PBXIP1: variants seen among roughly 807,000 people sequenced by gnomAD.
PBXIP1 encodes the protein pre-B-cell leukemia transcription factor-interacting protein 1.
In PBXIP1, 73 loss-of-function variants were observed where a neutral mutation model predicts 73.7. The observed-to-expected ratio is 0.99, with a 90% CI of 0.82 to 1.20. The LOEUF (loss-of-function observed/expected upper bound fraction) is 1.20. PBXIP1 is among the 50% of genes most tolerant of loss of function. The probability of loss-of-function intolerance (pLI) is 0.00; values close to 1 mark genes in which losing one functional copy is unlikely to be tolerated. For synonymous variants in PBXIP1, 330 were observed against 366.9 expected (o/e 0.90, Z 1.15); for missense variants, 818 against 911.4 (o/e 0.90, Z 1.32).
chr1:154,948,388 G>C (rs1053310704), intron 5 of PBXIP1, 22 bp from the exon 6 acceptor site: 1 of 1,493,972 alleles, frequency 6.7e-7, no homozygotes, highest in African/African-American at 1.4e-5. Flanking sequence ...GACAGGGACA[G>C]GGCAGTGAGG....
Position 154,947,422 on chromosome 1 carries a change from G to A in PBXIP1, c.865C>T (p.Leu289=). ...NQDIRLLQAQ[L]QAQKEELQSL... Reference sequence around the variant, plus strand: ...CCCCTCCTGCCTGTGCCCACCTGCAGCTGGGCCTGCAGCAGCCGGATGTCC... The same window carrying A: ...CCCCTCCTGCCTGTGCCCACCTGCAACTGGGCCTGCAGCAGCCGGATGTCC... The change falls in exon 9 of 11, where the codon CTG becomes TTG. Residue 289 remains leucine (L), a synonymous_variant. Transcript: ENST00000368463. 3 of 1,614,058 alleles carry A rather than the reference G, an allele frequency of 1.9e-6. No individual in the cohort carries two copies. Among genetic ancestry groups the A allele is most frequent in the South Asian group, 1.1e-5 (1 of 91,076 alleles).
chr1:154,944,834 C>A lies in PBXIP1; in HGVS notation c.*190G>T. 3 of 564,366 alleles carry A rather than the reference C, an allele frequency of 5.3e-6. No homozygotes were observed. Among genetic ancestry groups the A allele is most frequent in the Admixed American group, 6.1e-5 (2 of 32,762 alleles). The allele number at this position is 564,366 out of a possible 1,614,324, so 35.0% of individuals were successfully genotyped here. On this transcript the variant is annotated 3_prime_UTR_variant, in exon 11 of 11. Coordinates refer to ENST00000368463, the MANE Select transcript of PBXIP1 (RefSeq NM_020524.4). ...TATTTGCATGCATTTGCATAGACGG[C>A]AACGCAGGTCCAGCTAAGGCCTTTT...
Position 154,948,130 on chromosome 1 carries a change from C to G in PBXIP1, c.643+3G>C. On this transcript the variant is annotated splice_donor_region_variant and intron_variant, in intron 6 of 10. Coordinates refer to ENST00000368463, the MANE Select transcript of PBXIP1 (RefSeq NM_020524.4). ...AAGCCCCAGCCTCAGAGGTACCACT[C>G]ACCTGAGAAGAGGAGGACCCCCAGG... The G allele has an allele frequency of 6.3e-7, 1 of 1,576,680 alleles. No homozygotes were observed. The highest frequency in any genetic ancestry group is 8.6e-7 in the Non-Finnish European group (1 of 1,160,140).
intron 7 of PBXIP1, 129 bp downstream of exon 7, chr1:154,947,853 G>T: frequency 7.4e-7 from 1 of 1,349,432 alleles, no homozygotes; most frequent in Non-Finnish European, 1.1e-6. Flanking sequence ...GGGCCAAGGG[G>T]CACCCTGAAC....
intron 9 of PBXIP1, chr1:154,947,023 T>G (rs1234630289): frequency 1.8e-6 from 1 of 551,838 alleles, no homozygotes; most frequent in African/African-American, 1.9e-5. Context: ...GGCATCTACA[T>G]CTTTATATAA....
intron 6 of PBXIP1, 38 bp downstream of exon 6, chr1:154,948,095 T>C (rs980863093): frequency 1.3e-6 from 2 of 1,568,184 alleles, no homozygotes; most frequent in African/African-American, 1.4e-5. Flanking sequence ...CAGGCAGGCA[T>C]GGAAGCCCAA....
Position 154,948,075 on chromosome 1 carries a change from G to A in PBXIP1, c.643+58C>T, listed in dbSNP as rs1289676481. ...GTGATGTGAGGTAAGGTGAGAACAT[G>A]GCAGGAAGGCAGGCAGGCATGGAAG... On this transcript the variant is annotated intron_variant, in intron 6 of 10. Transcript: ENST00000368463. 11 of 1,574,562 alleles carry A rather than the reference G, an allele frequency of 7.0e-6. No individual in the cohort carries two copies. In the East Asian group the frequency reaches 2.0e-4, roughly 29 times the overall value.
rs752493490 is a variant in PBXIP1, at chr1:154,951,384, C to A, written c.257G>T (p.Gly86Val). 1 of 1,614,134 alleles carries A rather than the reference C, an allele frequency of 6.2e-7. No individual in the cohort carries two copies. Among genetic ancestry groups the A allele is most frequent in the Non-Finnish European group, 8.5e-7 (1 of 1,180,006 alleles). The change falls in exon 5 of 11, where the codon GGT (glycine) becomes GTT (valine). Residue 86 changes from glycine (G) to valine (V), a missense_variant. Physicochemically the swap from Gly to Val is moderately radical, Grantham distance 109 (BLOSUM62 -3). Transcript: ENST00000368463. The surrounding 1 kb of genome is among the most constrained non-coding windows in gnomAD (Gnocchi z 4.3). ...AGGAGGCTCCACACCACAAACATCA[C>A]CTTCCAGGGTGCCCTAATGCAGATG... ...EETEVKGTLEGDVCGVEPPGP... is the reference protein window; with the variant it reads ...EETEVKGTLEVDVCGVEPPGP...
chr1:154,952,772 G>A (rs2101989034), intron 2 of PBXIP1, among the ~76,000 whole-genome samples: 1 of 152,208 alleles, frequency 6.6e-6, no homozygotes, highest in Non-Finnish European at 1.5e-5. Context: ...GGAGGCCAGG[G>A]CTCTGAGAGC....
In PBXIP1 at chr1:154,948,141, A is replaced by C; in HGVS notation, c.635T>G (p.Leu212Arg). ...ALVLLGLGVL[L>R]FSGGLSESET... ...TCAGAGGTACCACTCACCTGAGAAG[A>C]GGAGGACCCCCAGGCCAAGCAGAAC... The change falls in exon 6 of 11, where the codon CTC (leucine) becomes CGC (arginine). Residue 212 changes from leucine to arginine, a missense_variant. Coordinates refer to ENST00000368463, the MANE Select transcript of PBXIP1 (RefSeq NM_020524.4). 3.2e-6 allele frequency: 5 copies of C among 1,581,314 alleles called. No homozygotes were observed. The South Asian group carries it at 5.8e-5, about 18-fold the overall frequency.
At chr1:154,949,096 A>G (rs1451014940) in intron 5 of PBXIP1, among the ~76,000 whole-genome samples, 1 of 151,844 alleles carries the variant, frequency 6.6e-6, no homozygotes, top group Non-Finnish European at 1.5e-5. Context: ...CCCTGTTCAC[A>G]ACCCACACTG....
At chr1:154,953,806 A>T in intron 1 of PBXIP1, 49 bp from the exon 2 acceptor site, 2 of 1,230,320 alleles carry the variant, frequency 1.6e-6, no homozygotes, top group Non-Finnish European at 2.3e-6. Flanking sequence ...CAGGAGGGGC[A>T]GAATGCAGAA....
chr1:154,952,180 G>A (rs570862834), intron 2 of PBXIP1, among the ~76,000 whole-genome samples: 1 of 152,254 alleles, frequency 6.6e-6, no homozygotes, highest in East Asian at 1.9e-4. Flanking sequence ...GTGAGCTAGA[G>A]CCTACGTTTC....
Position 154,944,831 on chromosome 1 carries a change from C to T in PBXIP1, c.*193G>A, listed in dbSNP as rs544061991. ...GAGTATTTGCATGCATTTGCATAGA[C>T]GGCAACGCAGGTCCAGCTAAGGCCT... On this transcript the variant is annotated 3_prime_UTR_variant, in exon 11 of 11. Coordinates refer to ENST00000368463, the MANE Select transcript of PBXIP1 (RefSeq NM_020524.4). The T allele has an allele frequency of 4.4e-5, 25 of 563,330 alleles. No individual in the cohort carries two copies. In the Admixed American group the frequency reaches 5.2e-4, roughly 12 times the overall value. The allele number at this position is 563,330 out of a possible 1,614,324, so 34.9% of individuals were successfully genotyped here. A position where few individuals can be genotyped will look rare whatever the true frequency, so the allele number is the denominator to read the frequency against.
Position 154,945,612 on chromosome 1 carries a change from T to G in PBXIP1, c.2062A>C (p.Ile688Leu). Reference protein sequence around the residue: ...DDEVDDFEDFIFSHFFGDKAL... With the variant: ...DDEVDDFEDFLFSHFFGDKAL... ...TTGTCTCCAAAGAAGTGGCTGAAGA[T>G]GAAGTCCTCAAAGTCATCTACTTCA... is the stretch of plus-strand genomic sequence containing the variant. The change falls in exon 10 of 11, where the codon ATC (isoleucine) becomes CTC (leucine). Residue 688 changes from isoleucine to leucine, a missense_variant. Ile to Leu is a conservative substitution (Grantham distance 5). Coordinates refer to ENST00000368463, the MANE Select transcript of PBXIP1 (RefSeq NM_020524.4). 1 of 1,614,104 alleles carries G rather than the reference T, an allele frequency of 6.2e-7. No homozygotes were observed. Among genetic ancestry groups the G allele is most frequent in the Non-Finnish European group, 8.5e-7 (1 of 1,179,958 alleles).
intron 6 of PBXIP1, 42 bp downstream of exon 6, chr1:154,948,091 G>C (rs2101984976): frequency 6.4e-7 from 1 of 1,567,732 alleles, no homozygotes; most frequent in African/African-American, 1.4e-5. Context: ...AAGGCAGGCA[G>C]GCATGGAAGC....
chr1:154,950,330 T>A (rs905152748), intron 5 of PBXIP1: 3 of 152,258 alleles, frequency 2.0e-5, no homozygotes, highest in African/African-American at 7.2e-5. Flanking sequence ...CCCTGCCGCC[T>A]ATTTTTATTT....
At chr1:154,945,339 C>A (rs1160005573) in intron 10 of PBXIP1, among the ~76,000 whole-genome samples, 2 of 152,166 alleles carry the variant, frequency 1.3e-5, no homozygotes, top group Non-Finnish European at 2.9e-5. Context: ...TAGGGCAGGG[C>A]AACTCAGGAG....
chr1:154,945,076 G>C lies in PBXIP1; in HGVS notation c.2144C>G (p.Ala715Gly). ...ATGGCTGTGCCCCTCCCTGGGCCCC[G>C]CAGCTCTTGGGCTCTGTGAGTGCTT... ...KDKHSQSPRA[A>G]GPREGHSHSH... Residue 715 changes from alanine to glycine, a missense_variant, in exon 11 of 11, where the codon GCG (alanine) becomes GGG (glycine). Physicochemically the swap from Ala to Gly is moderately conservative, Grantham distance 60. Transcript: ENST00000368463. 1 of 1,614,082 alleles carries C rather than the reference G, an allele frequency of 6.2e-7. No homozygotes were observed. The highest frequency in any genetic ancestry group is 8.5e-7 in the Non-Finnish European group (1 of 1,179,946).
Sources: gnomAD v4.1 joint callset for allele counts (sites outside exome capture counted in the v4.1 genomes callset) on GRCh38, gnomAD v4.1.1 for gene constraint, Gnocchi (gnomAD v3.1) non-coding constraint, MANE v1.5 for transcripts, NCBI Gene and HGNC (gene_info 2026-07-23, HGNC 2026-07-21) for gene names.